The following USP44 variants were observed in gnomAD, a reference collection of about 807,000 sequenced individuals.
USP44 encodes the protein ubiquitin carboxyl-terminal hydrolase 44.
Under a neutral mutation model 69.0 loss-of-function variants are expected in USP44, and 61 were observed. That is an observed-to-expected ratio of 0.88 (90% CI 0.72 to 1.09). The LOEUF is 1.09. USP44 is among the 50% of genes least tolerant of loss of function. The pLI is 0.00. For missense variants in USP44, 753 were observed against 849.9 expected (o/e 0.89, Z 1.42); for synonymous variants, 297 against 295.4 (o/e 1.01, Z -0.06).
Position 95,521,148 on chromosome 12 carries a change from T to G in USP44, c.1788A>C (p.Glu596Asp). The G allele has an allele frequency of 6.2e-7, 1 of 1,614,158 alleles. No individual in the cohort carries two copies. Among genetic ancestry groups the G allele is most frequent in the Non-Finnish European group, 8.5e-7 (1 of 1,180,010 alleles). ...AGCAATAGGGCTCCATGTTTAAGAT[T>G]TCCTCAAAGCCAACATGAACACCAA... ...EKIGVHVGFE[E>D]ILNMEPYCCR... Residue 596 changes from glutamate to aspartate, a missense_variant, in exon 5 of 6, where the codon GAA becomes GAC. Glu to Asp is a conservative substitution (Grantham distance 45). Transcript: ENST00000258499.
intron 1 of USP44, among the ~76,000 whole-genome samples, chr12:95,544,215 C>T (rs12371709): frequency 0.18 from 27,115 of 150,584 alleles, 2,674 homozygotes; most frequent in East Asian, 0.33. Flanking sequence ...CCACCATGCC[C>T]GGCTAATTTT....
chr12:95,550,685 G>C (rs2077709404), intron 1 of USP44, among the ~76,000 whole-genome samples: 1 of 152,032 alleles, frequency 6.6e-6, no homozygotes, highest in Non-Finnish European at 1.5e-5. Flanking sequence ...AAGGTCGTTT[G>C]GGAGATAGGA....
chr12:95,535,668 G>C (rs913099906), intron 1 of USP44, among the ~76,000 whole-genome samples: 1 of 152,262 alleles, frequency 6.6e-6, no homozygotes. Flanking sequence ...CACTTCTGCT[G>C]TAAGTTATTT....
rs1275927852 is a variant in USP44 at position 95,533,660 on chromosome 12, A to G, written c.597T>C (p.Tyr199=). The G allele has an allele frequency of 6.2e-7, 1 of 1,613,866 alleles. No individual in the cohort carries two copies. The highest frequency in any genetic ancestry group is 8.5e-7 in the Non-Finnish European group (1 of 1,180,034). ...EVKKRRQELE[Y]QVKAELESMP... ...TACTTTCCAATTCTGCTTTAACTTG[A>G]TACTCCAATTCCTGCCGTCTTTTCT... Residue 199 remains tyrosine (Y), a synonymous_variant, in exon 2 of 6, where the codon TAT becomes TAC. Coordinates refer to ENST00000258499, the MANE Select transcript of USP44 (RefSeq NM_032147.5).
At position 95,528,491 on chromosome 12, in the gene USP44, T is replaced by C. The variant is rs186459371; in HGVS notation, c.1624+316A>G. ...GCTCATAAAGCAAGTGTTTCATTCA[T>C]GCTACATGACATGCTTTCCTTTCAT... On this transcript the variant is annotated intron_variant, in intron 3 of 5. Transcript: ENST00000258499. Among the ~76,000 whole-genome samples the C allele has an allele frequency of 2.8e-4, 43 of 152,370 alleles. 1 individual carries two copies. Among genetic ancestry groups the C allele is most frequent in the Admixed American group, 1.9e-3 (29 of 15,310 alleles).
intron 2 of USP44, among the ~76,000 whole-genome samples, chr12:95,530,537 G>C (rs2140275924): frequency 6.6e-6 from 1 of 152,150 alleles, no homozygotes; most frequent in South Asian, 2.1e-4. Context: ...TTCCCTAAGA[G>C]TGTATTAAAG....
At chr12:95,546,974 G>A (rs1592756706) in intron 1 of USP44, 1 of 152,152 alleles carries the variant, frequency 6.6e-6, no homozygotes, top group Admixed American at 6.6e-5. Context: ...TTTCTTTGTA[G>A]TACAGAAAAG....
In USP44 at chr12:95,533,063, C is replaced by T. The variant is rs573004145; in HGVS notation, c.1194G>A (p.Ala398=). ...GTAGCATAGCAAATGGTGAGACCAA[C>T]GCCCACTTTCCAGACCACATGACTT... ...LFQVMWSGKW[A]LVSPFAMLHS... is the part of the protein sequence containing the mutation. Residue 398 remains alanine (A), a synonymous_variant, in exon 2 of 6, where the codon GCG becomes GCA. Coordinates refer to ENST00000258499, the MANE Select transcript of USP44 (RefSeq NM_032147.5). The T allele has an allele frequency of 2.5e-5, 41 of 1,614,186 alleles. No individual in the cohort carries two copies. Among genetic ancestry groups the T allele is most frequent in the Non-Finnish European group, 3.2e-5 (38 of 1,180,042 alleles).
intron 4 of USP44, among the ~76,000 whole-genome samples, chr12:95,522,382 A>G (rs1480494568): frequency 6.6e-6 from 1 of 152,182 alleles, no homozygotes; most frequent in East Asian, 1.9e-4. Context: ...CTGGACCATA[A>G]GTCATATTCC....
At chr12:95,544,314 CAA>C (rs1226810102) in intron 1 of USP44, among the ~76,000 whole-genome samples, 7 of 151,980 alleles carry the variant, frequency 4.6e-5, no homozygotes, top group Non-Finnish European at 8.8e-5. Flanking sequence ...CTCGACCTCC[CAA>C]AGTGCTGGGA....
intron 1 of USP44, chr12:95,546,701 C>T (rs1459927628): frequency 1.3e-5 from 2 of 152,194 alleles, no homozygotes; most frequent in African/African-American, 2.4e-5. Context: ...CTTCAAAGCA[C>T]GTGTTTGTTT....
intron 2 of USP44, among the ~76,000 whole-genome samples, chr12:95,529,884 T>C (rs2076966265): frequency 6.6e-6 from 1 of 152,174 alleles, no homozygotes; most frequent in South Asian, 2.1e-4. Context: ...ATGACATAAA[T>C]AATGATGTCA....
At chr12:95,544,324 G>A (rs2077503680) in intron 1 of USP44, among the ~76,000 whole-genome samples, 1 of 151,826 alleles carries the variant, frequency 6.6e-6, no homozygotes, top group Admixed American at 6.6e-5. Flanking sequence ...CAAAGTGCTG[G>A]GAATACAGGT....
chr12:95,550,197 A>G (rs1489906807), intron 1 of USP44, among the ~76,000 whole-genome samples: 1 of 151,870 alleles, frequency 6.6e-6, no homozygotes, highest in African/African-American at 2.4e-5. Context: ...AAAAAAAAAA[A>G]AAAAAAAATC....
chr12:95,541,310 A>C (rs1212999135), intron 1 of USP44, among the ~76,000 whole-genome samples: 1 of 152,160 alleles, frequency 6.6e-6, no homozygotes, highest in Non-Finnish European at 1.5e-5. Context: ...CTGGCTGGGC[A>C]CAGTGGCTCA....
intron 1 of USP44, among the ~76,000 whole-genome samples, chr12:95,538,873 G>A (rs930155600): frequency 2.0e-5 from 3 of 152,236 alleles, no homozygotes; most frequent in Non-Finnish European, 4.4e-5. Context: ...TTCCTCTACT[G>A]GGTTCAGAGC....
chr12:95,534,178 A>C lies in USP44; in HGVS notation c.79T>G (p.Trp27Gly), dbSNP rs2077124028. Residue 27 changes from tryptophan to glycine, a missense_variant, in exon 2 of 6, where the codon TGG becomes GGG. Physicochemically the swap from Trp to Gly is radical, Grantham distance 184 (BLOSUM62 -2). Coordinates refer to ENST00000258499, the MANE Select transcript of USP44 (RefSeq NM_032147.5). The part of the protein sequence containing the change: ...QDHSSLNPQK[W>G]HCVDCNTTES... ...GTCGTGTTGCAGTCCACACAGTGCC[A>C]TTTCTGAGGGTTGAGGCTGGAATGG... 1 of 1,614,112 alleles carries C rather than the reference A, an allele frequency of 6.2e-7. No homozygotes were observed. The highest frequency in any genetic ancestry group is 8.5e-7 in the Non-Finnish European group (1 of 1,180,014).
rs190572209 is a variant in USP44 at position 95,517,841 on chromosome 12, A to C, written c.*313T>G. On this transcript the variant is annotated 3_prime_UTR_variant, in exon 6 of 6. Transcript: ENST00000258499. The stretch of plus-strand genomic sequence containing the variant: ...CCTGAAAAAGATACATGTATATAAA[A>C]TGATGCCACTTGAACTTTGTTGGTA... 2 of 219,192 alleles carry C rather than the reference A, an allele frequency of 9.1e-6. No individual in the cohort carries two copies. The highest frequency in any genetic ancestry group is 1.0e-4 in the Admixed American group (2 of 19,484). 13.6% of individuals were successfully genotyped at this position (219,192 alleles called of 1,614,324 possible). A position where few individuals can be genotyped will look rare whatever the true frequency, so the allele number is the denominator to read the frequency against.
At chr12:95,527,929 C>T (rs562313003) in intron 3 of USP44, among the ~76,000 whole-genome samples, 94 of 150,092 alleles carry the variant, frequency 6.3e-4, no homozygotes, top group African/African-American at 2.3e-3. Flanking sequence ...ACCTCTGCCT[C>T]CTGGGTTCAA....
Sources: allele counts gnomAD v4.1 joint callset (sites outside exome capture counted in the v4.1 genomes callset), GRCh38; gene constraint gnomAD v4.1.1; transcripts MANE v1.5; gene names NCBI Gene and HGNC (gene_info 2026-07-23, HGNC 2026-07-21).